The following CYP1B1 variants were observed in gnomAD, a reference collection of about 807,000 sequenced individuals.
CYP1B1 encodes cytochrome P450 1B1.
Under a neutral mutation model 29.9 loss-of-function variants are expected in CYP1B1, and 22 were observed. The observed-to-expected ratio is 0.74, with a 90% CI of 0.53 to 1.05. The LOEUF (loss-of-function observed/expected upper bound fraction) is 1.05. CYP1B1 is among the 50% of genes least tolerant of loss of function. The probability of loss-of-function intolerance (pLI) is 0.00; values close to 1 mark genes in which losing one functional copy is unlikely to be tolerated. For missense variants in CYP1B1, 883 were observed against 746.9 expected (o/e 1.18, Z -2.12); for synonymous variants, 375 against 320.0 (o/e 1.17, Z -1.83).
In CYP1B1 at chr2:38,074,795, G is replaced by T; in HGVS notation, c.594C>A (p.Val198=). 2.5e-6 allele frequency: 4 copies of T among 1,583,948 alleles called. No homozygotes were observed. The highest frequency in any genetic ancestry group is 2.7e-5 in the African/African-American group (2 of 74,510). Residue 198 remains valine, a synonymous_variant, in exon 2 of 3, where the codon GTC becomes GTA. Transcript: ENST00000610745. ...GAFLDPRPLT[V]VAVANVMSAV... ...CACTCATGACGTTGGCCACGGCCACGACGGTCAGCGGCCTCGGGTCGAGGA... is the reference window on the plus strand; with the variant it reads ...CACTCATGACGTTGGCCACGGCCACTACGGTCAGCGGCCTCGGGTCGAGGA...
chr2:38,075,981 G>C lies in CYP1B1; in HGVS notation c.-203C>G, dbSNP rs757816155. 108 of 155,522 alleles carry C rather than the reference G, an allele frequency of 6.9e-4. No individual in the cohort carries two copies. The highest frequency in any genetic ancestry group is 9.6e-5 in the African/African-American group (4 of 41,492). The allele number at this position is 155,522 out of a possible 1,614,324, so 9.6% of individuals were successfully genotyped here. On this transcript the variant is annotated 5_prime_UTR_variant, in exon 1 of 3. Transcript: ENST00000610745. ...CTTGGATTGGGATGGGGACGGAGAAGGGTGCCTCGCTCGCCGAGCCCCGCT... is the reference window on the plus strand; with the variant it reads ...CTTGGATTGGGATGGGGACGGAGAACGGTGCCTCGCTCGCCGAGCCCCGCT...
Position 38,069,660 on chromosome 2 carries a change from C to A in CYP1B1, c.*1062G>T, listed in dbSNP as rs185371002. The A allele has an allele frequency of 2.1e-3, 433 of 201,898 alleles. 6 individuals carry two copies. Among genetic ancestry groups the A allele is most frequent in the African/African-American group, 9.4e-3 (410 of 43,776 alleles). 12.5% of individuals were successfully genotyped at this position (201,898 alleles called of 1,614,324 possible). On this transcript the variant is annotated 3_prime_UTR_variant, in exon 3 of 3. Transcript: ENST00000610745. ...GAAGAAAAGAAACCCTGCTTCATTT[C>A]CATGTCAAAAATAGGTGGTTGATTT...
rs79183781 is a variant in CYP1B1 at position 38,071,678 on chromosome 2, A to G, written c.1044-368T>C. 5.2e-3 allele frequency among the ~76,000 whole-genome samples: 788 copies of G among 152,348 alleles called. 12 individuals are homozygous for G. The highest frequency in any genetic ancestry group is 0.015 in the African/African-American group (624 of 41,588). Reference sequence around the variant, plus strand: ...GGCTCACAACACTTTTTAGGGGCCCATGAAAATATTTTTACGTCTTTTACA... The same window carrying G: ...GGCTCACAACACTTTTTAGGGGCCCGTGAAAATATTTTTACGTCTTTTACA... On this transcript the variant is annotated intron_variant, in intron 2 of 2. Transcript: ENST00000610745.
Position 38,075,256 on chromosome 2 carries a change from G to A in CYP1B1, c.133C>T (p.Arg45Trp), listed in dbSNP as rs1270493186. 1.3e-6 allele frequency: 2 copies of A among 1,599,808 alleles called. No homozygotes were observed. The highest frequency in any genetic ancestry group is 1.7e-6 in the Non-Finnish European group (2 of 1,176,478). The change falls in exon 2 of 3, where the codon CGG (arginine) becomes TGG (tryptophan). Residue 45 changes from arginine (R) to tryptophan (W), a missense_variant. Transcript: ENST00000610745. ...VGQRLLRQRR[R>W]QLRSAPPGPF... ...CCCGGGGGCGCGGACCGGAGCTGCC[G>A]CCTCCGTTGCCTCAGCAGCCGCTGG...
rs1259536866 is a variant in CYP1B1 at position 38,070,771 on chromosome 2, A to G, written c.1583T>C (p.Leu528Pro). The G allele has an allele frequency of 6.2e-7, 1 of 1,614,184 alleles. No individual in the cohort carries two copies. Among genetic ancestry groups the G allele is most frequent in the African/African-American group, 1.3e-5 (1 of 75,042 alleles). Residue 528 changes from leucine to proline, a missense_variant, in exon 3 of 3, where the codon CTC becomes CCC. Transcript: ENST00000610745. ...TAAATTTTGGACAGCACTATCAAGG[A>G]GCTCCATGGACTCTCTGAGAGTGAC... The part of the protein sequence containing the change: ...VNVTLRESME[L>P]LDSAVQNLQA...
chr2:38,074,322 G>A (rs1390909543), intron 2 of CYP1B1, 24 bp downstream of exon 2: 1 of 1,610,856 alleles, frequency 6.2e-7, no homozygotes, highest in Non-Finnish European at 8.5e-7. Context: ...AAAAGACCTG[G>A]CCCACGCCTC....
In CYP1B1 at chr2:38,070,578, C is replaced by A. The variant is rs1473755661; in HGVS notation, c.*144G>T. On this transcript the variant is annotated 3_prime_UTR_variant, in exon 3 of 3. Transcript: ENST00000610745. ...GAAGAACCGCTGGGTATGGAGCACA[C>A]CTCACCTGATGGACAGTTGATTTAT... 1.6e-5 allele frequency: 12 copies of A among 766,478 alleles called. No individual in the cohort carries two copies. Among genetic ancestry groups the A allele is most frequent in the Admixed American group, 8.4e-5 (4 of 47,476 alleles). 47.5% of individuals were successfully genotyped at this position (766,478 alleles called of 1,614,324 possible).
Position 38,071,702 on chromosome 2 carries a change from C to G in CYP1B1, c.1044-392G>C, listed in dbSNP as rs553795924. On this transcript the variant is annotated intron_variant, in intron 2 of 2. Coordinates refer to ENST00000610745, the MANE Select transcript of CYP1B1 (RefSeq NM_000104.4). ...CATGAAAATATTTTTACGTCTTTTA[C>G]AATCTTCAGACCTAAAAAAACTCAC... Among the ~76,000 whole-genome samples, 137 of 152,244 alleles carry G rather than the reference C, an allele frequency of 9.0e-4. 1 individual carries two copies. The highest frequency in any genetic ancestry group is 2.2e-3 in the Admixed American group (34 of 15,296).
Position 38,074,832 on chromosome 2 carries a change from G to A in CYP1B1, c.557C>T (p.Ala186Val). Reference protein sequence around the residue: ...ELVALLVRGSADGAFLDPRPL... With the variant: ...ELVALLVRGSVDGAFLDPRPL... Reference sequence around the variant, plus strand: ...CCTCGGGTCGAGGAAGGCGCCGTCCGCGCTGCCGCGCACCAGCAGCGCCAC... The same window carrying A: ...CCTCGGGTCGAGGAAGGCGCCGTCCACGCTGCCGCGCACCAGCAGCGCCAC... Residue 186 changes from alanine (A) to valine (V), a missense_variant, in exon 2 of 3, where the codon GCG (alanine) becomes GTG (valine). By Grantham distance (64) the Ala-to-Val change is moderately conservative. Transcript: ENST00000610745. 1 of 1,565,128 alleles carries A rather than the reference G, an allele frequency of 6.4e-7. No homozygotes were observed. Among genetic ancestry groups the A allele is most frequent in the South Asian group, 1.2e-5 (1 of 85,686 alleles).
chr2:38,075,436 G>A, intron 1 of CYP1B1, 47 bp from the exon 2 acceptor site: 1 of 1,588,438 alleles, frequency 6.3e-7, no homozygotes, highest in Non-Finnish European at 8.6e-7. Context: ...TGCAGAGACA[G>A]GAGCGGGCGC....
In CYP1B1 at chr2:38,074,768, G is replaced by A. The variant is rs751902103; in HGVS notation, c.621C>T (p.Ala207=). 1 of 1,597,564 alleles carries A rather than the reference G, an allele frequency of 6.3e-7. No individual in the cohort carries two copies. Among genetic ancestry groups the A allele is most frequent in the South Asian group, 1.1e-5 (1 of 88,878 alleles). ...TVVAVANVMS[A]VCFGCRYSHD... ...GGCTGTAGCGGCAGCCGAAACACACGGCACTCATGACGTTGGCCACGGCCA... is the reference window on the plus strand; with the variant it reads ...GGCTGTAGCGGCAGCCGAAACACACAGCACTCATGACGTTGGCCACGGCCA... The change falls in exon 2 of 3, where the codon GCC becomes GCT. Residue 207 remains alanine (A), a synonymous_variant. Transcript: ENST00000610745.
At position 38,075,770 on chromosome 2, in the gene CYP1B1, A is replaced by G. The variant is rs921546779; in HGVS notation, c.-2+10T>C. On this transcript the variant is annotated intron_variant, in intron 1 of 2. Transcript: ENST00000610745. ...AGGTCGCCGGGCAGCGCCTCGGCAG[A>G]CAGACTGACCTGCGGGGAGGTGCGG... 2.0e-5 allele frequency: 6 copies of G among 297,414 alleles called. No individual in the cohort carries two copies. The highest frequency in any genetic ancestry group is 3.8e-5 in the South Asian group (1 of 26,326). The allele number at this position is 297,414 out of a possible 1,614,324, so 18.4% of individuals were successfully genotyped here.
intron 2 of CYP1B1, 27 bp downstream of exon 2, chr2:38,074,319 C>A: frequency 4.3e-6 from 7 of 1,610,786 alleles, no homozygotes; most frequent in South Asian, 1.1e-5. Context: ...GAGAAAAGAC[C>A]TGGCCCACGC....
chr2:38,071,435 A>T (rs1183222993), intron 2 of CYP1B1, 125 bp from the exon 3 acceptor site: 6 of 865,430 alleles, frequency 6.9e-6, no homozygotes, highest in Non-Finnish European at 1.1e-5. Context: ...TCAGTGACTA[A>T]ATTAATATTT....
In CYP1B1 at chr2:38,069,666, C is replaced by G. The variant is rs187540802; in HGVS notation, c.*1056G>C. On this transcript the variant is annotated 3_prime_UTR_variant, in exon 3 of 3. Transcript: ENST00000610745. The stretch of plus-strand genomic sequence containing the variant: ...AAGAAACCCTGCTTCATTTCCATGT[C>G]AAAAATAGGTGGTTGATTTAATCAA... The G allele has an allele frequency of 1.4e-3, 275 of 201,970 alleles. 1 individual carries two copies. Among genetic ancestry groups the G allele is most frequent in the Non-Finnish European group, 2.2e-3 (219 of 98,292 alleles). 12.5% of individuals were successfully genotyped at this position (201,970 alleles called of 1,614,324 possible).
In CYP1B1 at chr2:38,070,861, T is replaced by A. The variant is rs1573271974; in HGVS notation, c.1493A>T (p.Asn498Ile). ...AHQCDFRANP[N>I]EPAKMNFSYG... Reference sequence around the variant, plus strand: ...ACTGAAATTCATTTTCGCAGGCTCATTTGGGTTGGCCCTGAAATCGCACTG... The same window carrying A: ...ACTGAAATTCATTTTCGCAGGCTCAATTGGGTTGGCCCTGAAATCGCACTG... Residue 498 changes from asparagine to isoleucine, a missense_variant, in exon 3 of 3, where the codon AAT becomes ATT. Coordinates refer to ENST00000610745, the MANE Select transcript of CYP1B1 (RefSeq NM_000104.4). The A allele has an allele frequency of 6.2e-7, 1 of 1,614,138 alleles. No individual in the cohort carries two copies. Among genetic ancestry groups the A allele is most frequent in the East Asian group, 2.2e-5 (1 of 44,886 alleles).
intron 2 of CYP1B1, among the ~76,000 whole-genome samples, chr2:38,071,734 T>A (rs162561): frequency 6.6e-6 from 1 of 152,030 alleles, no homozygotes; most frequent in Non-Finnish European, 1.5e-5. Flanking sequence ...TCACTTTTAG[T>A]TAGAAGAAAA....
Position 38,075,184 on chromosome 2 carries a change from C to G in CYP1B1, c.205G>C (p.Ala69Pro). The change falls in exon 2 of 3, where the codon GCG (alanine) becomes CCG (proline). Residue 69 changes from alanine to proline, a missense_variant. Transcript: ENST00000610745. The part of the protein sequence containing the change: ...LIGNAAAVGQ[A>P]AHLSFARLAR... ...AGGCGAGCGAACGAGAGGTGAGCCG[C>G]CTGGCCCACCGCCGCCGCGTTTCCG... is the stretch of plus-strand genomic sequence containing the variant. The G allele has an allele frequency of 6.4e-7, 1 of 1,569,640 alleles. No individual in the cohort carries two copies.
rs4986889 is a variant in CYP1B1, at chr2:38,070,962, T to A, written c.1392A>T (p.Ser464=). The change falls in exon 3 of 3, where the codon TCA becomes TCT. Residue 464 remains serine (S), a synonymous_variant. Coordinates refer to ENST00000610745, the MANE Select transcript of CYP1B1 (RefSeq NM_000104.4). ...KDLTSRVMIF[S]VGKRRCIGEE... ...CGCCAATGCACCGCCTTTTGCCCAC[T>A]GAAAAAATCATCACTCTGCTGGTCA... 744 of 1,614,184 alleles carry A rather than the reference T, an allele frequency of 4.6e-4. 4 individuals are homozygous for A. The African/African-American group carries it at 8.9e-3, about 19-fold the overall frequency.
Sources: gnomAD v4.1 joint callset for allele counts (sites outside exome capture counted in the v4.1 genomes callset) on GRCh38, gnomAD v4.1.1 for gene constraint, MANE v1.5 for transcripts, NCBI Gene and HGNC (gene_info 2026-07-23, HGNC 2026-07-21) for gene names.